The following SIMC1 variants were observed in gnomAD, a reference collection of about 807,000 sequenced individuals.
SIMC1 encodes the protein SUMO interacting motifs containing 1.
SIMC1 carries 55 observed loss-of-function variants against 82.3 expected under a neutral mutation model. The ratio of observed to expected loss-of-function variants is 0.67; its 90% CI spans 0.54 to 0.84. The LOEUF (loss-of-function observed/expected upper bound fraction) is 0.84, where lower values mean the gene tolerates loss of function less well. Among genes scored for constraint, SIMC1 ranks in the 40% least tolerant of loss-of-function variants. The pLI is 0.00. For missense variants in SIMC1, 915 were observed against 1,107.2 expected, an observed-to-expected ratio of 0.83 and a Z score of 2.46; for synonymous variants, 353 against 426.3, an observed-to-expected ratio of 0.83 and a Z score of 2.12.
chr5:176,243,861 GAA>G (rs1394332052), intron 1 of SIMC1, among the ~76,000 whole-genome samples: 1 of 148,332 alleles, frequency 6.7e-6, no homozygotes. Context: ...ACTGTGAAAA[GAA>G]AAGATGGTAA....
intron 6 of SIMC1, 46 bp downstream of exon 6, chr5:176,322,471 G>A (rs1032108903): frequency 3.1e-5 from 49 of 1,566,356 alleles, no homozygotes; most frequent in Non-Finnish European, 3.9e-5. Flanking sequence ...GGGGTTTAGT[G>A]TTTTAGAGAG....
intron 4 of SIMC1, among the ~76,000 whole-genome samples, chr5:176,300,191 A>G (rs1763982972): frequency 6.6e-6 from 1 of 152,252 alleles, no homozygotes; most frequent in African/African-American, 2.4e-5. Context: ...CAACCTGAGT[A>G]TATCTAAAGT....
At chr5:176,302,149 AT>A (rs920261608) in intron 4 of SIMC1, among the ~76,000 whole-genome samples, 7 of 151,424 alleles carry the variant, frequency 4.6e-5, no homozygotes, top group African/African-American at 1.7e-4. Context: ...GTAGATGTAA[AT>A]TTTTTTTCAA....
At chr5:176,313,606 G>C in intron 4 of SIMC1, 85 bp from the exon 5 acceptor site, 1 of 1,580,002 alleles carries the variant, frequency 6.3e-7, no homozygotes, top group Non-Finnish European at 8.6e-7. Flanking sequence ...GCCTTCTCTT[G>C]GGCTTAGTAT....
intron 2 of SIMC1, among the ~76,000 whole-genome samples, chr5:176,292,180 G>A (rs533424190): frequency 6.6e-6 from 1 of 152,106 alleles, no homozygotes; most frequent in African/African-American, 2.4e-5. Flanking sequence ...ATTATTACTT[G>A]CTGACTTTGG....
chr5:176,242,488 C>A (rs1581209604), intron 1 of SIMC1, among the ~76,000 whole-genome samples: 3 of 150,770 alleles, frequency 2.0e-5, no homozygotes, highest in Middle Eastern at 3.4e-3. Context: ...CAGGACATAT[C>A]TTTTTCTTAG....
At chr5:176,294,930 A>G in intron 2 of SIMC1, 100 bp from the exon 3 acceptor site, 2 of 1,419,212 alleles carry the variant, frequency 1.4e-6, no homozygotes. Context: ...ACGCCACTGC[A>G]CTCCAGCCTG....
chr5:176,334,595 T>C (rs897344032), intron 7 of SIMC1, among the ~76,000 whole-genome samples: 1 of 152,192 alleles, frequency 6.6e-6, no homozygotes, highest in African/African-American at 2.4e-5. Flanking sequence ...CAGGTTCCCT[T>C]ACACACATTT....
At chr5:176,278,876 A>G (rs900801789) in intron 1 of SIMC1, among the ~76,000 whole-genome samples, 1 of 150,990 alleles carries the variant, frequency 6.6e-6, no homozygotes, top group Non-Finnish European at 1.5e-5. Context: ...GGATTTTTGC[A>G]TCAATGTTCA....
intron 6 of SIMC1, 176 bp downstream of exon 6, chr5:176,322,601 A>G: frequency 1.3e-6 from 1 of 776,658 alleles, no homozygotes; most frequent in Non-Finnish European, 1.9e-6. Flanking sequence ...AAGGCAGAAC[A>G]AAACCAGGTG....
chr5:176,297,522 A>C lies in SIMC1; in HGVS notation c.1734+1202A>C, dbSNP rs528652847. On this transcript the variant is annotated intron_variant, in intron 4 of 9. Transcript: ENST00000429602. ...TGTCTCAAAAAAAAAAAAAAAAAAA[A>C]AAAAACGTTGAATGAACTCTCTGTA... Among the ~76,000 whole-genome samples, 30 of 151,748 alleles carry C rather than the reference A, an allele frequency of 2.0e-4. No individual in the cohort carries two copies. In the South Asian group the frequency reaches 4.1e-3, roughly 21 times the overall value.
chr5:176,291,186 C>A (rs989362779), intron 2 of SIMC1, among the ~76,000 whole-genome samples: 1 of 111,478 alleles, frequency 9.0e-6, no homozygotes, highest in African/African-American at 3.4e-5. Flanking sequence ...TTTTTTGAGA[C>A]CGAGTCTTGC....
chr5:176,289,600 G>A (rs1272484051), intron 1 of SIMC1, 54 bp from the exon 2 acceptor site: 5 of 1,391,118 alleles, frequency 3.6e-6, no homozygotes, highest in Non-Finnish European at 4.8e-6. Flanking sequence ...AGTCATCTCA[G>A]ATAAAGCTAA....
intron 1 of SIMC1, among the ~76,000 whole-genome samples, chr5:176,289,039 G>C (rs1415001610): frequency 6.6e-6 from 1 of 152,152 alleles, no homozygotes; most frequent in East Asian, 1.9e-4. Context: ...TTTCTAGGTT[G>C]ATTACACATT....
intron 2 of SIMC1, among the ~76,000 whole-genome samples, chr5:176,291,725 G>A (rs569830423): frequency 1.3e-5 from 2 of 152,062 alleles, no homozygotes; most frequent in South Asian, 2.1e-4. Flanking sequence ...TAATCCACCC[G>A]CCTCAGCCTC....
At chr5:176,343,676 ATTGC>A (rs1766255976) in intron 9 of SIMC1, among the ~76,000 whole-genome samples, 1 of 152,194 alleles carries the variant, frequency 6.6e-6, no homozygotes, top group African/African-American at 2.4e-5. Flanking sequence ...TCATAATTGT[ATTGC>A]TTAAGTACTT....
chr5:176,252,247 G>T (rs1414889228), intron 1 of SIMC1, among the ~76,000 whole-genome samples: 1 of 151,196 alleles, frequency 6.6e-6, no homozygotes, highest in Non-Finnish European at 1.5e-5. Flanking sequence ...GGACGGGGCG[G>T]CTGGCTAGGC....
chr5:176,304,824 G>T (rs1208694214), intron 4 of SIMC1, among the ~76,000 whole-genome samples: 1 of 150,268 alleles, frequency 6.7e-6, no homozygotes, highest in African/African-American at 2.5e-5. Flanking sequence ...TGTGGGGAGC[G>T]CCTCTGCCCC....
rs1328312363 is a variant in SIMC1 at position 176,306,017 on chromosome 5, G to T, written c.1735-7674G>T. On this transcript the variant is annotated intron_variant, in intron 4 of 9. Transcript: ENST00000429602. ...AGCCCCCCGCCCGGCCAGCCGCCCCGTCCGGGAGGGAGGTTGGGGGGGGTC... is the reference window on the plus strand; with the variant it reads ...AGCCCCCCGCCCGGCCAGCCGCCCCTTCCGGGAGGGAGGTTGGGGGGGGTC... 7.9e-4 allele frequency among the ~76,000 whole-genome samples: 41 copies of T among 51,976 alleles called. 2 individuals carry two copies. Among genetic ancestry groups the T allele is most frequent in the African/African-American group, 2.9e-3 (39 of 13,404 alleles). 34.1% of individuals were successfully genotyped at this position (51,976 alleles called of 152,430 possible).
Sources: gnomAD v4.1 joint callset for allele counts (sites outside exome capture counted in the v4.1 genomes callset) on GRCh38, gnomAD v4.1.1 for gene constraint, MANE v1.5 for transcripts, NCBI Gene and HGNC (gene_info 2026-07-23, HGNC 2026-07-21) for gene names.